The following PRELID2 variants were observed in gnomAD, a reference collection of about 807,000 sequenced individuals.
PRELID2 encodes the protein PRELI domain-containing protein 2.
In PRELID2, 25 loss-of-function variants were observed where a neutral mutation model predicts 28.4. The ratio of observed to expected loss-of-function variants is 0.88; its 90% CI spans 0.64 to 1.23. The LOEUF is 1.23. Ranked by LOEUF, PRELID2 falls within the 50% of genes most tolerant of loss-of-function variation. The probability of loss-of-function intolerance (pLI) is 0.00; values close to 1 mark genes in which losing one functional copy is unlikely to be tolerated. For synonymous variants in PRELID2, 76 were observed against 71.6 expected (o/e 1.06, Z -0.31); for missense variants, 201 against 214.4 (o/e 0.94, Z 0.39).
At chr5:145,326,245 A>G in the PRELID2 span, among the ~76,000 whole-genome samples, 2 of 152,100 alleles carry the variant, frequency 1.3e-5, no homozygotes, top group Non-Finnish European at 2.9e-5. Context: ...AGCTCAAGTG[A>G]TGTTCACACC....
intron 1 of PRELID2, among the ~76,000 whole-genome samples, chr5:145,566,116 G>A (rs773214627): frequency 7.2e-5 from 11 of 152,136 alleles, no homozygotes; most frequent in Non-Finnish European, 1.5e-4. Flanking sequence ...GCTATACCAC[G>A]CAGGTTACTA....
the PRELID2 span, among the ~76,000 whole-genome samples, chr5:145,289,856 C>T: frequency 0.084 from 12,736 of 152,142 alleles, 707 homozygotes; most frequent in African/African-American, 0.17. Context: ...TGATAAATGA[C>T]ATTGAGCATC....
the PRELID2 span, among the ~76,000 whole-genome samples, chr5:145,320,347 T>C: frequency 6.6e-6 from 1 of 151,632 alleles, no homozygotes; most frequent in Non-Finnish European, 1.5e-5. Flanking sequence ...CTCGGCTCAC[T>C]GCAAGCTCCG....
intron 5 of PRELID2, among the ~76,000 whole-genome samples, chr5:145,765,282 T>C (rs1757678245): frequency 6.6e-6 from 1 of 152,190 alleles, no homozygotes; most frequent in African/African-American, 2.4e-5. Flanking sequence ...TTAAATAACT[T>C]CTTGAAAGTG....
intron 1 of PRELID2, among the ~76,000 whole-genome samples, chr5:145,683,101 T>C (rs1419384009): frequency 6.6e-6 from 1 of 152,194 alleles, no homozygotes; most frequent in Admixed American, 6.5e-5. Context: ...CCAGTATTTC[T>C]AGGTAGTACA....
intron 1 of PRELID2, among the ~76,000 whole-genome samples, chr5:145,530,659 T>C (rs1230242475): frequency 6.6e-6 from 1 of 151,958 alleles, no homozygotes; most frequent in African/African-American, 2.4e-5. Context: ...AACAGTAGGC[T>C]AAGAAATCAG....
the PRELID2 span, among the ~76,000 whole-genome samples, chr5:145,336,105 C>A: frequency 6.6e-6 from 1 of 152,196 alleles, no homozygotes; most frequent in Non-Finnish European, 1.5e-5. Flanking sequence ...CCTTTGCCCA[C>A]TTTCTGATGG....
chr5:145,403,566 C>A, the PRELID2 span, among the ~76,000 whole-genome samples: 1 of 152,174 alleles, frequency 6.6e-6, no homozygotes, highest in South Asian at 2.1e-4. Flanking sequence ...ATTCCCCTTC[C>A]CAGGCTCAAA....
chr5:145,641,644 A>C (rs1754108002), intron 1 of PRELID2, among the ~76,000 whole-genome samples: 2 of 152,056 alleles, frequency 1.3e-5, no homozygotes, highest in Non-Finnish European at 2.9e-5. Flanking sequence ...TATTTCTTCT[A>C]ATGCTATCCC....
the PRELID2 span, among the ~76,000 whole-genome samples, chr5:145,270,078 A>T: frequency 6.6e-6 from 1 of 151,848 alleles, no homozygotes; most frequent in Admixed American, 6.6e-5. Flanking sequence ...TAAAAGACTT[A>T]TCAACATTAA....
the PRELID2 span, among the ~76,000 whole-genome samples, chr5:145,391,810 G>A: frequency 6.6e-6 from 1 of 151,456 alleles, no homozygotes; most frequent in Non-Finnish European, 1.5e-5. Context: ...TCTCTCTCAA[G>A]TTCAAAGTTC....
the PRELID2 span, chr5:145,429,824 G>A: frequency 2.0e-5 from 3 of 152,198 alleles, no homozygotes; most frequent in Admixed American, 6.5e-5. Flanking sequence ...CTGGGCCTAA[G>A]CCTAGAGAGG....
the PRELID2 span, among the ~76,000 whole-genome samples, chr5:145,238,979 A>C: frequency 6.6e-6 from 1 of 152,108 alleles, no homozygotes; most frequent in East Asian, 1.9e-4. Flanking sequence ...CTATCTATCT[A>C]TCTATCTGTC....
intron 1 of PRELID2, among the ~76,000 whole-genome samples, chr5:145,694,579 T>A (rs1244193561): frequency 1.3e-5 from 2 of 152,220 alleles, no homozygotes; most frequent in Non-Finnish European, 2.9e-5. Context: ...GAATTTGAAG[T>A]CCACGGTATG....
chr5:145,423,737 G>C, the PRELID2 span, among the ~76,000 whole-genome samples: 17,072 of 108,358 alleles, frequency 0.16, 1,666 homozygotes, highest in Middle Eastern at 0.22. Flanking sequence ...CTCTCATCTC[G>C]TCAAAGTCAT....
chr5:145,583,635 A>G (rs1281053418), intron 1 of PRELID2, among the ~76,000 whole-genome samples: 1 of 152,064 alleles, frequency 6.6e-6, no homozygotes, highest in Non-Finnish European at 1.5e-5. Context: ...TAGCATTCCT[A>G]TACACTAGCA....
At chr5:145,789,899 C>A (rs1752252203) in intron 5 of PRELID2, among the ~76,000 whole-genome samples, 1 of 152,078 alleles carries the variant, frequency 6.6e-6, no homozygotes, top group Admixed American at 6.6e-5. Flanking sequence ...AAAGAAGGTT[C>A]AACAGCACCA....
the PRELID2 span, among the ~76,000 whole-genome samples, chr5:145,300,956 C>T: frequency 3.3e-5 from 5 of 152,120 alleles, no homozygotes; most frequent in Admixed American, 2.6e-4. Context: ...CACGTCCCAT[C>T]AAACCCATTA....
At chr5:145,545,797 A>AT (rs1231475674) in intron 1 of PRELID2, among the ~76,000 whole-genome samples, 1 of 152,152 alleles carries the variant, frequency 6.6e-6, no homozygotes, top group Non-Finnish European at 1.5e-5. Context: ...CAGATGATTG[A>AT]TTATTTGCAT....
Sources: allele counts gnomAD v4.1 joint callset (sites outside exome capture counted in the v4.1 genomes callset), GRCh38; gene constraint gnomAD v4.1.1; transcripts MANE v1.5; gene names NCBI Gene and HGNC (gene_info 2026-07-23, HGNC 2026-07-21).